The following UNC93A variants were observed in gnomAD, a reference collection of about 807,000 sequenced individuals.
The protein encoded by UNC93A is unc-93 homolog A.
A neutral mutation model predicts 47.5 loss-of-function variants in UNC93A; 43 were observed. That is an observed-to-expected ratio of 0.91 (90% CI 0.71 to 1.17). The LOEUF (loss-of-function observed/expected upper bound fraction) is 1.17. Among genes scored for constraint, UNC93A ranks in the 50% most tolerant of loss-of-function variants. UNC93A has a pLI of 0.00. For synonymous variants in UNC93A, 280 were observed against 258.0 expected (o/e 1.09, Z -0.82); for missense variants, 605 against 577.6 (o/e 1.05, Z -0.49).
chr6:167,309,232 G>T (rs1054082383), intron 7 of UNC93A, among the ~76,000 whole-genome samples: 4 of 152,216 alleles, frequency 2.6e-5, no homozygotes. Context: ...GCTTTGTGCG[G>T]GCTGGCTGTG....
Position 167,307,907 on chromosome 6 carries a change from A to C in UNC93A, c.1105A>C (p.Asn369His), listed in dbSNP as rs1265444423. Reference sequence around the variant, plus strand: ...AGATGCCGTCTGGCAGACACAAAACAATGGTGAGTCCCCAGCCCAGGCCCC... The same window carrying C: ...AGATGCCGTCTGGCAGACACAAAACCATGGTGAGTCCCCAGCCCAGGCCCC... ...VADAVWQTQN[N>H]ALYGVLFEKS... is the part of the protein sequence containing the mutation. The change falls in exon 7 of 8, where the codon AAT becomes CAT. Residue 369 changes from asparagine to histidine, a missense_variant. By Grantham distance (68) the Asn-to-His change is moderately conservative. Transcript: ENST00000230256. 3 of 1,613,296 alleles carry C rather than the reference A, an allele frequency of 1.9e-6. No homozygotes were observed.
chr6:167,286,328 C>A (rs1278939029), upstream of UNC93A, among the ~76,000 whole-genome samples: 1 of 152,214 alleles, frequency 6.6e-6, no homozygotes, highest in Non-Finnish European at 1.5e-5. Flanking sequence ...CAGGCCTTAC[C>A]GCCCGCTGAG....
At chr6:167,287,921 T>C (rs2981958), upstream of UNC93A, among the ~76,000 whole-genome samples, 65,323 of 151,974 alleles carry the variant, frequency 0.43, 14,741 homozygotes, top group African/African-American at 0.57. Flanking sequence ...CTCTCCTTCA[T>C]TCTGGTGCAA....
At chr6:167,300,654 G>T (rs1778217652) in intron 4 of UNC93A, among the ~76,000 whole-genome samples, 1 of 152,138 alleles carries the variant, frequency 6.6e-6, no homozygotes, top group African/African-American at 2.4e-5. Flanking sequence ...ACTTGGAATT[G>T]TGGTCATGTT....
At chr6:167,277,473 C>T (rs1197880594) in intron 1 of UNC93A, among the ~76,000 whole-genome samples, 2 of 152,128 alleles carry the variant, frequency 1.3e-5, no homozygotes, top group African/African-American at 2.4e-5. Flanking sequence ...TTCTGGGCTC[C>T]CCCTCCACAA....
At chr6:167,311,941 G>A (rs960415078) in intron 7 of UNC93A, among the ~76,000 whole-genome samples, 1 of 151,792 alleles carries the variant, frequency 6.6e-6, no homozygotes, top group Non-Finnish European at 1.5e-5. Context: ...GACAGTTAGT[G>A]GGGGGACAGC....
chr6:167,283,985 C>T (rs1402617442), intron 1 of UNC93A, among the ~76,000 whole-genome samples: 1 of 152,190 alleles, frequency 6.6e-6, no homozygotes, highest in Non-Finnish European at 1.5e-5. Flanking sequence ...GGTTCACACT[C>T]AGGGTCAGGC....
chr6:167,276,926 G>C (rs1033743505), intron 1 of UNC93A, among the ~76,000 whole-genome samples: 5 of 152,194 alleles, frequency 3.3e-5, no homozygotes, highest in African/African-American at 4.8e-5. Flanking sequence ...TGCAGCCCAC[G>C]CTGGCTGTCT....
At chr6:167,277,657 C>G (rs145631767) in intron 1 of UNC93A, among the ~76,000 whole-genome samples, 1 of 149,982 alleles carries the variant, frequency 6.7e-6, no homozygotes, top group Non-Finnish European at 1.5e-5. Context: ...CCCTCTGTCT[C>G]TCTATCTCTC....
At chr6:167,285,497 C>T (rs1783711191) in intron 1 of UNC93A, among the ~76,000 whole-genome samples, 1 of 151,790 alleles carries the variant, frequency 6.6e-6, no homozygotes, top group Non-Finnish European at 1.5e-5. Flanking sequence ...GCAGTGCCCA[C>T]ATGTGCCTCG....
At chr6:167,299,135 C>T (rs2346120) in intron 4 of UNC93A, among the ~76,000 whole-genome samples, 17,681 of 129,880 alleles carry the variant, frequency 0.14, 1,507 homozygotes, top group East Asian at 0.39. Context: ...AAAAAATACA[C>T]ACACACACAC....
At chr6:167,287,548 T>C (rs554944845), upstream of UNC93A, among the ~76,000 whole-genome samples, 9 of 152,142 alleles carry the variant, frequency 5.9e-5, no homozygotes, top group Non-Finnish European at 8.8e-5. Flanking sequence ...GGTACCCCAG[T>C]ACATTAGGAA....
At chr6:167,297,844 G>C in intron 3 of UNC93A, 101 bp from the exon 4 acceptor site, 6 of 1,470,244 alleles carry the variant, frequency 4.1e-6, no homozygotes, top group Non-Finnish European at 5.5e-6. Context: ...CCTCCCCCCA[G>C]GTGTCCAATG....
chr6:167,276,363 C>G (rs1358245013), intron 1 of UNC93A, among the ~76,000 whole-genome samples: 1 of 152,136 alleles, frequency 6.6e-6, no homozygotes. Context: ...TGGATGAACA[C>G]CCAGGAGTGG....
intron 7 of UNC93A, among the ~76,000 whole-genome samples, chr6:167,312,992 C>G (rs1429305926): frequency 6.6e-6 from 1 of 152,198 alleles, no homozygotes; most frequent in South Asian, 2.1e-4. Flanking sequence ...ATTCTTCCTC[C>G]GTGTTTCTTA....
chr6:167,275,875 C>A (rs1453683828), intron 1 of UNC93A, among the ~76,000 whole-genome samples: 1 of 152,176 alleles, frequency 6.6e-6, no homozygotes, highest in Non-Finnish European at 1.5e-5. Context: ...AGAATGGATG[C>A]TGTGTATTGC....
chr6:167,291,618 T>G, intron 1 of UNC93A, 42 bp downstream of exon 1: 2 of 1,528,552 alleles, frequency 1.3e-6, no homozygotes, highest in African/African-American at 2.8e-5. Flanking sequence ...CTTCTTGGCC[T>G]CCAAGAATCC....
At chr6:167,294,445 C>A in intron 1 of UNC93A, 72 bp from the exon 2 acceptor site, 2 of 1,556,934 alleles carry the variant, frequency 1.3e-6, no homozygotes, top group Non-Finnish European at 8.7e-7. Flanking sequence ...CTGGGGGACA[C>A]TGAGGACCTG....
chr6:167,303,084 C>T (rs1354469797), intron 4 of UNC93A, among the ~76,000 whole-genome samples: 1 of 152,146 alleles, frequency 6.6e-6, no homozygotes, highest in African/African-American at 2.4e-5. Context: ...TTCAGGCATC[C>T]GCTGGGGCCT....
Sources: gnomAD v4.1 joint callset for allele counts (sites outside exome capture counted in the v4.1 genomes callset) on GRCh38, gnomAD v4.1.1 for gene constraint, MANE v1.5 for transcripts, NCBI Gene and HGNC (gene_info 2026-07-23, HGNC 2026-07-21) for gene names.